Variants in ITGB8 observed in about 807,000 individuals in gnomAD.
The protein encoded by ITGB8 is integrin beta-8.
Under a neutral mutation model 89.5 loss-of-function variants are expected in ITGB8, and 30 were observed. That is an observed-to-expected ratio of 0.34 (90% CI 0.25 to 0.45). The LOEUF is 0.45. ITGB8 is among the 20% of genes least tolerant of loss of function. The probability of loss-of-function intolerance (pLI) is 1.00; values close to 1 mark genes in which losing one functional copy is unlikely to be tolerated. For synonymous variants in ITGB8, 335 were observed against 320.4 expected (o/e 1.05, Z -0.49); for missense variants, 836 against 933.3 (o/e 0.90, Z 1.36).
chr7:20,390,002 C>G (rs1214455541), intron 6 of ITGB8, among the ~76,000 whole-genome samples: 1 of 152,058 alleles, frequency 6.6e-6, no homozygotes, highest in East Asian at 1.9e-4. Flanking sequence ...TCTATCACAA[C>G]AATTATAGAT....
intron 1 of ITGB8, among the ~76,000 whole-genome samples, chr7:20,355,952 C>CT (rs1467734099): frequency 1.3e-5 from 2 of 152,194 alleles, no homozygotes; most frequent in African/African-American, 4.8e-5. Context: ...ACATCTGCTT[C>CT]TTTGTCTATT....
chr7:20,357,745 T>C (rs1426304083), intron 1 of ITGB8, among the ~76,000 whole-genome samples: 1 of 152,166 alleles, frequency 6.6e-6, no homozygotes, highest in South Asian at 2.1e-4. Flanking sequence ...CTATGGAACA[T>C]TGGAAGTTTC....
At chr7:20,378,013 C>G (rs1324862375) in intron 3 of ITGB8, among the ~76,000 whole-genome samples, 1 of 151,992 alleles carries the variant, frequency 6.6e-6, no homozygotes. Context: ...TCGGAATATT[C>G]TTATGGAAAA....
chr7:20,381,530 T>C, intron 5 of ITGB8, 197 bp from the exon 6 acceptor site: 1 of 484,818 alleles, frequency 2.1e-6, no homozygotes, highest in Non-Finnish European at 3.6e-6. Flanking sequence ...CAGGAACTAG[T>C]GTGGTCACAT....
intron 1 of ITGB8, among the ~76,000 whole-genome samples, chr7:20,344,998 T>C (rs1583471034): frequency 1.3e-5 from 2 of 152,168 alleles, no homozygotes; most frequent in East Asian, 3.8e-4. Flanking sequence ...ACAGAATGTA[T>C]AGCACACCAG....
intron 1 of ITGB8, among the ~76,000 whole-genome samples, chr7:20,340,919 C>T (rs544131674): frequency 7.9e-5 from 12 of 152,192 alleles, no homozygotes; most frequent in Middle Eastern, 3.4e-3. Flanking sequence ...TTAAGGAGTA[C>T]CAAATAGGGA....
intron 4 of ITGB8, 106 bp from the exon 5 acceptor site, chr7:20,380,560 A>C: frequency 1.1e-6 from 1 of 902,100 alleles, no homozygotes; most frequent in Non-Finnish European, 1.7e-6. Flanking sequence ...TCCCTGGCAC[A>C]AAAGAAGTAC....
intron 1 of ITGB8, among the ~76,000 whole-genome samples, chr7:20,361,274 AT>A: frequency 6.6e-6 from 1 of 152,216 alleles, no homozygotes; most frequent in Non-Finnish European, 1.5e-5. Flanking sequence ...AATAGACTTA[AT>A]TTCATGTTTC....
In ITGB8 at chr7:20,363,731, T is replaced by G. The variant is rs772709820; in HGVS notation, c.213+9T>G. ...GATGGTGTGTTCAAGAGGTGTGCCA[T>G]TTTTTTTTTTCTTTTTCTCATGGTT... On this transcript the variant is annotated intron_variant, in intron 2 of 13. Coordinates refer to ENST00000222573, the MANE Select transcript of ITGB8 (RefSeq NM_002214.3). 13 of 56,264 alleles carry G rather than the reference T, an allele frequency of 2.3e-4. No individual in the cohort carries two copies. The highest frequency in any genetic ancestry group is 5.7e-4 in the South Asian group (1 of 1,742). 3.5% of individuals were successfully genotyped at this position (56,264 alleles called of 1,614,324 possible). A position where few individuals can be genotyped will look rare whatever the true frequency, so the allele number is the denominator to read the frequency against.
At chr7:20,402,190 T>A in intron 10 of ITGB8, 64 bp downstream of exon 10, 1 of 1,336,138 alleles carries the variant, frequency 7.5e-7, no homozygotes, top group South Asian at 1.6e-5. Context: ...GATGTTAAAG[T>A]GTCTTTAAAT....
intron 3 of ITGB8, among the ~76,000 whole-genome samples, chr7:20,368,663 C>T (rs2127948978): frequency 6.6e-6 from 1 of 152,206 alleles, no homozygotes; most frequent in East Asian, 1.9e-4. Context: ...TTAAAAATGT[C>T]TTACTCTTTT....
At position 20,406,162 on chromosome 7, in the gene ITGB8, C is replaced by G; in HGVS notation, c.2014C>G (p.Gln672Glu). The G allele has an allele frequency of 1.3e-6, 2 of 1,593,598 alleles. No individual in the cohort carries two copies. Among genetic ancestry groups the G allele is most frequent in the Non-Finnish European group, 1.7e-6 (2 of 1,161,406 alleles). The change falls in exon 12 of 14, where the codon CAA becomes GAA. Residue 672 changes from glutamine (Q) to glutamate (E), a missense_variant. By Grantham distance (29) the Gln-to-Glu change is conservative. Coordinates refer to ENST00000222573, the MANE Select transcript of ITGB8 (RefSeq NM_002214.3). ...CATGGAACAACAGCATTATGTCGAC[C>G]AAACTTCAGGTAGGCCAAAGCTTAA... is the stretch of plus-strand genomic sequence containing the variant. Reference protein sequence around the residue: ...ALMEQQHYVDQTSECFSSPSY... With the variant: ...ALMEQQHYVDETSECFSSPSY...
Position 20,401,715 on chromosome 7 carries a change from A to T in ITGB8, c.1282-6A>T. ...AAATATATTTCCTTTTTCCTCCTAA[A>T]TTTAGGTTCTTTTCAATGTAACAGT... On this transcript the variant is annotated splice_region_variant and splice_polypyrimidine_tract_variant and intron_variant, in intron 9 of 13. Coordinates refer to ENST00000222573, the MANE Select transcript of ITGB8 (RefSeq NM_002214.3). 1 of 1,513,544 alleles carries T rather than the reference A, an allele frequency of 6.6e-7. No individual in the cohort carries two copies. Among genetic ancestry groups the T allele is most frequent in the Non-Finnish European group, 8.8e-7 (1 of 1,132,542 alleles). The allele number at this position is 1,513,544 out of a possible 1,614,324, so 93.8% of individuals were successfully genotyped here.
At chr7:20,340,672 C>G (rs1784727771) in intron 1 of ITGB8, among the ~76,000 whole-genome samples, 1 of 149,542 alleles carries the variant, frequency 6.7e-6, no homozygotes, top group African/African-American at 2.5e-5. Flanking sequence ...AACAGCTTCC[C>G]AGGTAAAGGC....
chr7:20,402,315 T>C (rs78745775), intron 10 of ITGB8, among the ~76,000 whole-genome samples, 189 bp downstream of exon 10: 1 of 152,354 alleles, frequency 6.6e-6, no homozygotes, highest in Non-Finnish European at 1.5e-5. Flanking sequence ...ATTTATATCT[T>C]AACCTATTTT....
At chr7:20,361,587 C>T (rs1785506668) in intron 1 of ITGB8, among the ~76,000 whole-genome samples, 1 of 152,156 alleles carries the variant, frequency 6.6e-6, no homozygotes, top group South Asian at 2.1e-4. Context: ...CTAAAGGCCC[C>T]AGCTCTTAAT....
At chr7:20,346,976 A>G (rs889538546) in intron 1 of ITGB8, 14 of 427,708 alleles carry the variant, frequency 3.3e-5, no homozygotes, top group African/African-American at 4.3e-5. Flanking sequence ...GGCCTTTGGA[A>G]AATGACTAGG....
At chr7:20,345,089 A>T (rs1164671974) in intron 1 of ITGB8, among the ~76,000 whole-genome samples, 3 of 152,208 alleles carry the variant, frequency 2.0e-5, no homozygotes, top group African/African-American at 4.8e-5. Flanking sequence ...AGGAGGTATG[A>T]TCTTAAGTAG....
At chr7:20,374,496 A>AC (rs959483964) in intron 3 of ITGB8, among the ~76,000 whole-genome samples, 20 of 151,974 alleles carry the variant, frequency 1.3e-4, no homozygotes, top group African/African-American at 4.3e-4. Flanking sequence ...CTAAAAAAAA[A>AC]AAAAAAGATA....
Sources: allele counts gnomAD v4.1 joint callset (sites outside exome capture counted in the v4.1 genomes callset), GRCh38; gene constraint gnomAD v4.1.1; transcripts MANE v1.5; gene names NCBI Gene and HGNC (gene_info 2026-07-23, HGNC 2026-07-21).